Variants in DAPP1 observed in about 807,000 individuals in gnomAD.
DAPP1 encodes dual adaptor of phosphotyrosine and 3-phosphoinositides 1.
A neutral mutation model predicts 41.5 loss-of-function variants in DAPP1; 20 were observed. The observed-to-expected ratio is 0.48, with a 90% CI of 0.34 to 0.70. The LOEUF is 0.70. Among genes scored for constraint, DAPP1 ranks in the 30% least tolerant of loss-of-function variants. The probability of loss-of-function intolerance (pLI) is 0.01; values close to 1 mark genes in which losing one functional copy is unlikely to be tolerated. For missense variants in DAPP1, 233 were observed against 333.4 expected, an observed-to-expected ratio of 0.70 and a Z score of 2.35; for synonymous variants, 113 against 116.2, an observed-to-expected ratio of 0.97 and a Z score of 0.18.
intron 2 of DAPP1, among the ~76,000 whole-genome samples, chr4:99,836,379 T>C (rs563410039): frequency 7.8e-4 from 119 of 152,326 alleles, no homozygotes; most frequent in African/African-American, 2.8e-3. Context: ...ACCAAGCTTC[T>C]GGTAGTCAGG....
rs77394557 is a variant in DAPP1, at chr4:99,840,219, G to A, written c.225-70G>A. 2.6e-3 allele frequency: 2,906 copies of A among 1,111,004 alleles called. 52 individuals are homozygous for A. The African/African-American group carries it at 0.038, about 14-fold the overall frequency. The allele number at this position is 1,111,004 out of a possible 1,614,324, so 68.8% of individuals were successfully genotyped here. A position where few individuals can be genotyped will look rare whatever the true frequency, so the allele number is the denominator to read the frequency against. On this transcript the variant is annotated intron_variant, in intron 2 of 8. Coordinates refer to ENST00000512369, the MANE Select transcript of DAPP1 (RefSeq NM_014395.3). ...AGGGTTAATAGTGATGCTAACATCT[G>A]AGATCATATTTCCCTTCAACAAGAT...
chr4:99,818,482 A>G (rs1467093513), intron 1 of DAPP1, among the ~76,000 whole-genome samples: 1 of 152,220 alleles, frequency 6.6e-6, no homozygotes, highest in Admixed American at 6.5e-5. Context: ...TAAACAAACA[A>G]TCCTAGAACC....
chr4:99,825,698 T>C (rs1722915472), intron 1 of DAPP1, among the ~76,000 whole-genome samples: 1 of 152,224 alleles, frequency 6.6e-6, no homozygotes, highest in Admixed American at 6.5e-5. Context: ...CTCCCCTGTA[T>C]ATCACACTAC....
At chr4:99,848,244 T>G (rs563073131) in intron 3 of DAPP1, among the ~76,000 whole-genome samples, 13 of 151,430 alleles carry the variant, frequency 8.6e-5, no homozygotes, top group Admixed American at 5.3e-4. Flanking sequence ...TTTTTTTTTT[T>G]TGTGATGGGG....
At chr4:99,844,983 T>C (rs1723618039) in intron 3 of DAPP1, among the ~76,000 whole-genome samples, 1 of 152,204 alleles carries the variant, frequency 6.6e-6, no homozygotes, top group African/African-American at 2.4e-5. Context: ...TTGCCAAAAA[T>C]ACAAAATGTT....
intron 7 of DAPP1, chr4:99,865,034 A>AT (rs1724374960): frequency 6.6e-6 from 1 of 152,150 alleles, no homozygotes; most frequent in Non-Finnish European, 1.5e-5. Flanking sequence ...AACAATGACA[A>AT]TGACAGAAAC....
chr4:99,834,329 G>A (rs1325581845), intron 1 of DAPP1, among the ~76,000 whole-genome samples: 1 of 152,138 alleles, frequency 6.6e-6, no homozygotes, highest in Non-Finnish European at 1.5e-5. Flanking sequence ...AAAGGAACAG[G>A]GAGCCTGAGG....
chr4:99,862,554 C>T (rs1345634984), intron 5 of DAPP1, among the ~76,000 whole-genome samples: 1 of 151,944 alleles, frequency 6.6e-6, no homozygotes. Flanking sequence ...TATATAAAGC[C>T]TCCAATGATA....
At chr4:99,854,556 G>A (rs1723979313) in intron 4 of DAPP1, among the ~76,000 whole-genome samples, 1 of 152,118 alleles carries the variant, frequency 6.6e-6, no homozygotes, top group East Asian at 1.9e-4. Context: ...ATCCTTTGGT[G>A]ATGCCTTTTG....
intron 7 of DAPP1, chr4:99,864,770 T>C (rs1240556393): frequency 1.3e-5 from 2 of 152,146 alleles, no homozygotes; most frequent in East Asian, 3.8e-4. Context: ...ACTACACCTG[T>C]AGGTCTCATA....
intron 4 of DAPP1, among the ~76,000 whole-genome samples, chr4:99,854,544 A>G (rs972306187): frequency 6.6e-6 from 1 of 152,186 alleles, no homozygotes; most frequent in African/African-American, 2.4e-5. Flanking sequence ...CCTCTGCTTT[A>G]CATCCTTTGG....
chr4:99,870,681 G>T (rs1660262400), downstream of DAPP1, among the ~76,000 whole-genome samples: 1 of 152,198 alleles, frequency 6.6e-6, no homozygotes, highest in African/African-American at 2.4e-5. Flanking sequence ...TGGGAGAAAA[G>T]AGAGTGGGCT....
chr4:99,861,667 G>C (rs1361155161), intron 5 of DAPP1, 42 bp downstream of exon 5: 1 of 1,550,298 alleles, frequency 6.5e-7, no homozygotes, highest in South Asian at 1.2e-5. Flanking sequence ...ACAGAAAAAA[G>C]AGAACACGTC....
chr4:99,843,502 T>C (rs1723564213), intron 3 of DAPP1, among the ~76,000 whole-genome samples: 1 of 152,156 alleles, frequency 6.6e-6, no homozygotes, highest in Non-Finnish European at 1.5e-5. Context: ...ACTTTAAGAG[T>C]ATTTTATGAT....
chr4:99,835,598 G>A (rs1163716805), intron 1 of DAPP1, 25 bp from the exon 2 acceptor site: 2 of 1,609,680 alleles, frequency 1.2e-6, no homozygotes, highest in Non-Finnish European at 8.5e-7. Flanking sequence ...TGGCCTGAGT[G>A]AAAGCGCTGT....
At chr4:99,821,280 A>G (rs188160032) in intron 1 of DAPP1, among the ~76,000 whole-genome samples, 1 of 152,332 alleles carries the variant, frequency 6.6e-6, no homozygotes, top group African/African-American at 2.4e-5. Flanking sequence ...ATACGATATC[A>G]CCATACTCAT....
At chr4:99,868,093 A>G (rs1398852717) in intron 8 of DAPP1, 24 bp from the exon 9 acceptor site, 17 of 1,594,818 alleles carry the variant, frequency 1.1e-5, no homozygotes, top group African/African-American at 1.3e-5. Flanking sequence ...AATAATGGAT[A>G]CACGTGTGTG....
intron 2 of DAPP1, among the ~76,000 whole-genome samples, chr4:99,838,401 T>C (rs759854765): frequency 5.9e-5 from 9 of 152,184 alleles, no homozygotes; most frequent in Non-Finnish European, 8.8e-5. Context: ...TAATGATGAA[T>C]ATTTGAAAGC....
chr4:99,838,969 G>C (rs1373038614), intron 2 of DAPP1, among the ~76,000 whole-genome samples: 1 of 152,202 alleles, frequency 6.6e-6, no homozygotes, highest in Non-Finnish European at 1.5e-5. Flanking sequence ...ACCTTAATGA[G>C]TGGCTGGGAT....
Sources: allele counts gnomAD v4.1 joint callset (sites outside exome capture counted in the v4.1 genomes callset), GRCh38; gene constraint gnomAD v4.1.1; transcripts MANE v1.5; gene names NCBI Gene and HGNC (gene_info 2026-07-23, HGNC 2026-07-21).